SLC25A48: variants seen among roughly 807,000 people sequenced by gnomAD.
SLC25A48 encodes the protein CTC-321K16.1.
In SLC25A48, 29 loss-of-function variants were observed where a neutral mutation model predicts 32.2. The ratio of observed to expected loss-of-function variants is 0.90; its 90% CI spans 0.67 to 1.23. The LOEUF (loss-of-function observed/expected upper bound fraction) is 1.23, where lower values mean the gene tolerates loss of function less well. Ranked by LOEUF, SLC25A48 falls within the 50% of genes most tolerant of loss-of-function variation. SLC25A48 has a pLI of 0.00. For synonymous variants in SLC25A48, 164 were observed against 172.3 expected, an observed-to-expected ratio of 0.95 and a Z score of 0.38; for missense variants, 399 against 422.7, an observed-to-expected ratio of 0.94 and a Z score of 0.49.
intron 1 of SLC25A48, among the ~76,000 whole-genome samples, chr5:135,594,043 T>C (rs558801240): frequency 3.3e-5 from 5 of 152,306 alleles, no homozygotes; most frequent in South Asian, 4.1e-4. Context: ...ACAGAATGAA[T>C]GAACAGTCCC....
chr5:135,607,045 C>T (rs898454176), intron 1 of SLC25A48, among the ~76,000 whole-genome samples: 1 of 152,170 alleles, frequency 6.6e-6, no homozygotes, highest in Non-Finnish European at 1.5e-5. Context: ...GGGACTTGGC[C>T]TAGACCTCAG....
chr5:135,833,166 C>G (rs142252926), upstream of SLC25A48, among the ~76,000 whole-genome samples: 1,540 of 152,336 alleles, frequency 0.01, 8 homozygotes, highest in Non-Finnish European at 0.015. Context: ...TTGTGGCATG[C>G]ATATGGGAAT....
intron 2 of SLC25A48, among the ~76,000 whole-genome samples, chr5:135,849,209 G>A (rs1213937664): frequency 6.6e-6 from 1 of 152,160 alleles, no homozygotes; most frequent in Non-Finnish European, 1.5e-5. Flanking sequence ...TGTCTACAGA[G>A]CTGATCTCAG....
chr5:135,688,565 A>G (rs1352382348), intron 3 of SLC25A48, among the ~76,000 whole-genome samples: 1 of 152,264 alleles, frequency 6.6e-6, no homozygotes, highest in African/African-American at 2.4e-5. Context: ...ATGAGGGAAC[A>G]TTGCTATCCA....
chr5:135,750,275 A>G (rs907254426), intron 3 of SLC25A48, among the ~76,000 whole-genome samples: 4 of 152,080 alleles, frequency 2.6e-5, no homozygotes, highest in East Asian at 1.9e-4. Flanking sequence ...AGTCACCCCA[A>G]TATGTAATGG....
At chr5:135,742,569 T>G (rs1363000563) in intron 3 of SLC25A48, 6 of 1,294,440 alleles carry the variant, frequency 4.6e-6, no homozygotes, top group African/African-American at 4.4e-5. Flanking sequence ...GTTTTCATTT[T>G]CTCTTTGATT....
chr5:135,796,010 G>GGA (rs1384487725), intron 3 of SLC25A48, among the ~76,000 whole-genome samples: 3 of 22,972 alleles, frequency 1.3e-4, no homozygotes, highest in South Asian at 2.3e-3. Flanking sequence ...AGTATCGCGA[G>GGA]GGGGGGGTGG....
chr5:135,840,272 T>A (rs1758883874), intron 1 of SLC25A48, among the ~76,000 whole-genome samples: 1 of 152,212 alleles, frequency 6.6e-6, no homozygotes, highest in South Asian at 2.1e-4. Flanking sequence ...TGGATTTCAT[T>A]CTTACCATGG....
chr5:135,720,432 G>A (rs1361575331), intron 3 of SLC25A48, among the ~76,000 whole-genome samples: 1 of 152,252 alleles, frequency 6.6e-6, no homozygotes, highest in Non-Finnish European at 1.5e-5. Context: ...CTACTTAGGT[G>A]TCCTTCCACC....
At chr5:135,651,919 TG>T (rs762257585) in intron 3 of SLC25A48, among the ~76,000 whole-genome samples, 4 of 152,188 alleles carry the variant, frequency 2.6e-5, no homozygotes, top group African/African-American at 4.8e-5. Context: ...TATATATGGA[TG>T]GATCTCTCTC....
intron 3 of SLC25A48, among the ~76,000 whole-genome samples, chr5:135,678,296 T>A (rs1753816261): frequency 6.6e-6 from 1 of 152,206 alleles, no homozygotes; most frequent in Non-Finnish European, 1.5e-5. Flanking sequence ...TTATTCTGAT[T>A]AATCTAGTCT....
At position 135,723,765 on chromosome 5, in the gene SLC25A48, C is replaced by T. The variant is rs142172981; in HGVS notation, c.-520-88758C>T. Among the ~76,000 whole-genome samples, 7 of 152,270 alleles carry T rather than the reference C, an allele frequency of 4.6e-5. No individual in the cohort carries two copies. In the East Asian group the frequency reaches 1.4e-3, roughly 29 times the overall value. ...CTTGCCCTGCAGTCTTCATAGGCAT[C>T]GTTTTTAATGGCTCACTCAATTCCA... On this transcript the variant is annotated intron_variant, in intron 3 of 10. Transcript: ENST00000646290.
At chr5:135,722,408 C>T (rs1405620275) in intron 3 of SLC25A48, among the ~76,000 whole-genome samples, 2 of 152,120 alleles carry the variant, frequency 1.3e-5, no homozygotes, top group Non-Finnish European at 2.9e-5. Flanking sequence ...GGCTGAGGGA[C>T]CTATGAATTT....
intron 3 of SLC25A48, chr5:135,714,628 G>A (rs1660055045): frequency 6.6e-6 from 1 of 152,244 alleles, no homozygotes; most frequent in South Asian, 2.1e-4. Context: ...AAAAGCAGGT[G>A]GACAAAGTTC....
In SLC25A48 at chr5:135,880,062, G is replaced by A. The variant is rs1356589572; in HGVS notation, c.908G>A (p.Arg303His). 18 of 1,536,024 alleles carry A rather than the reference G, an allele frequency of 1.2e-5. No individual in the cohort carries two copies. In the Admixed American group the frequency reaches 1.4e-4, roughly 12 times the overall value. Residue 303 changes from arginine (R) to histidine (H), a missense_variant, in exon 7 of 8, where the codon CGC becomes CAC. Transcript: ENST00000681962. ...TACGAGCTGTCGCTGCAGGCTATCC[G>A]CGGGGACCACGCAGTGACGAGCCCA... is the stretch of plus-strand genomic sequence containing the variant. ...LGYELSLQAIRGDHAVTSP is the reference protein window; with the variant it reads ...LGYELSLQAIHGDHAVTSP
At chr5:135,790,190 A>G (rs1756988425) in intron 3 of SLC25A48, among the ~76,000 whole-genome samples, 1 of 151,826 alleles carries the variant, frequency 6.6e-6, no homozygotes, top group South Asian at 2.1e-4. Context: ...ATTATTCATA[A>G]TAATCTAGGG....
chr5:135,661,102 C>G (rs547343275), intron 3 of SLC25A48, among the ~76,000 whole-genome samples: 27 of 152,310 alleles, frequency 1.8e-4, no homozygotes, highest in Admixed American at 3.3e-4. Flanking sequence ...AGTTGGTGCC[C>G]TTGGTCCCAA....
chr5:135,835,886 C>G (rs986434222), intron 1 of SLC25A48, among the ~76,000 whole-genome samples: 1 of 152,136 alleles, frequency 6.6e-6, no homozygotes, highest in Admixed American at 6.5e-5. Context: ...CAGGGCCCTG[C>G]TTCACACCTT....
intron 3 of SLC25A48, among the ~76,000 whole-genome samples, chr5:135,640,515 A>G (rs1752808499): frequency 6.6e-6 from 1 of 152,170 alleles, no homozygotes; most frequent in Non-Finnish European, 1.5e-5. Flanking sequence ...GCATGATACA[A>G]TACCTGACAA....
Sources: gnomAD v4.1 joint callset for allele counts (sites outside exome capture counted in the v4.1 genomes callset) on GRCh38, gnomAD v4.1.1 for gene constraint, MANE v1.5 for transcripts, NCBI Gene and HGNC (gene_info 2026-07-23, HGNC 2026-07-21) for gene names.